Variants in CHRM3 observed in about 807,000 individuals in gnomAD.
CHRM3 encodes the protein cholinergic receptor muscarinic 3, also known as muscarinic acetylcholine receptor M3.
In CHRM3, 11 loss-of-function variants were observed where a neutral mutation model predicts 41.8. The observed-to-expected ratio is 0.26, with a 90% CI of 0.17 to 0.44. CHRM3 has a LOEUF of 0.44. CHRM3 is among the 20% of genes least tolerant of loss of function. CHRM3 has a pLI of 1.00. For synonymous variants in CHRM3, 297 were observed against 301.4 expected (o/e 0.99, Z 0.15); for missense variants, 571 against 745.4 (o/e 0.77, Z 2.72).
At chr1:239,832,607 G>C (rs916576796) in intron 6 of CHRM3, among the ~76,000 whole-genome samples, 1 of 151,976 alleles carries the variant, frequency 6.6e-6, no homozygotes, top group East Asian at 1.9e-4. Flanking sequence ...AGTAAATTTA[G>C]TAAGAAAGTA....
intron 5 of CHRM3, among the ~76,000 whole-genome samples, chr1:239,785,754 A>C (rs1267030681): frequency 6.6e-6 from 1 of 152,178 alleles, no homozygotes; most frequent in Non-Finnish European, 1.5e-5. Flanking sequence ...GGAAAAAAAA[A>C]ATGGGAGCTA....
At chr1:239,560,071 G>T (rs1406294788) in intron 3 of CHRM3, among the ~76,000 whole-genome samples, 2 of 151,868 alleles carry the variant, frequency 1.3e-5, no homozygotes, top group Admixed American at 6.6e-5. Context: ...AAATTATCTG[G>T]GGCAAAAAAT....
At chr1:239,432,867 G>T (rs188115512) in intron 1 of CHRM3, among the ~76,000 whole-genome samples, 31 of 152,006 alleles carry the variant, frequency 2.0e-4, no homozygotes, top group African/African-American at 7.0e-4. Flanking sequence ...TTTTATTTTT[G>T]AATATTGGGC....
At chr1:239,707,438 A>G (rs1347570055) in intron 5 of CHRM3, 1 of 152,222 alleles carries the variant, frequency 6.6e-6, no homozygotes, top group African/African-American at 2.4e-5. Context: ...TTGTTTAGGT[A>G]AAGTTTCCTT....
chr1:239,446,217 G>C (rs1031548119), intron 1 of CHRM3, among the ~76,000 whole-genome samples: 1 of 152,156 alleles, frequency 6.6e-6, no homozygotes. Context: ...TTACAGGCGT[G>C]AGCCACCATG....
intron 5 of CHRM3, among the ~76,000 whole-genome samples, chr1:239,752,832 C>T (rs1007227057): frequency 1.3e-5 from 2 of 151,788 alleles, no homozygotes; most frequent in Non-Finnish European, 2.9e-5. Flanking sequence ...TAGGCTTAAA[C>T]TATAATAGGG....
intron 1 of CHRM3, among the ~76,000 whole-genome samples, chr1:239,399,867 C>T (rs1029614684): frequency 2.0e-5 from 3 of 151,986 alleles, no homozygotes; most frequent in Non-Finnish European, 2.9e-5. Flanking sequence ...TACCCAGTAG[C>T]GGGATTGCTG....
chr1:239,643,205 G>A (rs1422488529), intron 4 of CHRM3, among the ~76,000 whole-genome samples: 2 of 152,318 alleles, frequency 1.3e-5, no homozygotes, highest in Non-Finnish European at 2.9e-5. Flanking sequence ...TAGGCTGCTT[G>A]GGGGTCAAGG....
chr1:239,888,551 TCGCACTACTGCA>T (rs1406278801), intron 6 of CHRM3, among the ~76,000 whole-genome samples: 1 of 147,176 alleles, frequency 6.8e-6, no homozygotes, highest in Non-Finnish European at 1.5e-5. Flanking sequence ...TGAGCCATGA[TCGCACTACTGCA>T]CTCCAACCTG....
intron 5 of CHRM3, among the ~76,000 whole-genome samples, chr1:239,791,802 A>G (rs1231304760): frequency 1.3e-5 from 2 of 152,314 alleles, no homozygotes; most frequent in African/African-American, 4.8e-5. Context: ...AGTTGTATAA[A>G]GAGATGGGCT....
intron 2 of CHRM3, among the ~76,000 whole-genome samples, chr1:239,499,884 A>G (rs1045583312): frequency 2.6e-5 from 4 of 152,192 alleles, no homozygotes; most frequent in Admixed American, 2.0e-4. Flanking sequence ...CAGCAAAACT[A>G]ATCATCATAT....
At chr1:239,466,286 C>T (rs762069926) in intron 1 of CHRM3, among the ~76,000 whole-genome samples, 4 of 152,122 alleles carry the variant, frequency 2.6e-5, no homozygotes, top group African/African-American at 7.2e-5. Flanking sequence ...TGAGCTACCA[C>T]GCCTGGCCCA....
intron 6 of CHRM3, among the ~76,000 whole-genome samples, chr1:239,844,871 C>T (rs543944051): frequency 6.6e-6 from 1 of 152,270 alleles, no homozygotes; most frequent in East Asian, 1.9e-4. Context: ...ATTTTGATAA[C>T]TGTGGACAGA....
chr1:239,905,162 C>T (rs1376479678), intron 6 of CHRM3, among the ~76,000 whole-genome samples: 1 of 152,160 alleles, frequency 6.6e-6, no homozygotes, highest in East Asian at 1.9e-4. Context: ...TTTTAACATG[C>T]ACATCAATTC....
At chr1:239,771,425 A>C (rs1407515793) in intron 5 of CHRM3, among the ~76,000 whole-genome samples, 1 of 152,156 alleles carries the variant, frequency 6.6e-6, no homozygotes, top group Non-Finnish European at 1.5e-5. Context: ...AAAAAGAAAA[A>C]AGAATGGAAA....
intron 1 of CHRM3, among the ~76,000 whole-genome samples, chr1:239,394,582 A>C (rs1339133842): frequency 1.3e-5 from 2 of 152,160 alleles, no homozygotes; most frequent in Non-Finnish European, 2.9e-5. Context: ...TGCAGATGTC[A>C]TTAATGAACA....
rs571521672 is a variant in CHRM3 at position 239,713,038 on chromosome 1, C to T, written c.-147+34750C>T. ...CCAGCGCCTAAAAAGGAAGTCCACA[C>T]GGGCAACACAAACACTGCCCGCTAA... On this transcript the variant is annotated intron_variant, in intron 5 of 6. Coordinates refer to ENST00000676153, the MANE Select transcript of CHRM3 (RefSeq NM_001375978.1). 6.7e-4 allele frequency among the ~76,000 whole-genome samples: 102 copies of T among 152,286 alleles called. 2 individuals are homozygous for T. Among genetic ancestry groups the T allele is most frequent in the African/African-American group, 2.3e-3 (95 of 41,554 alleles).
chr1:239,411,498 G>T (rs894228476), intron 1 of CHRM3, among the ~76,000 whole-genome samples: 1 of 151,902 alleles, frequency 6.6e-6, no homozygotes, highest in African/African-American at 2.4e-5. Flanking sequence ...AGGCCGAGGT[G>T]GGTGGATCAT....
At chr1:239,785,279 T>C (rs1215478702) in intron 5 of CHRM3, among the ~76,000 whole-genome samples, 2 of 152,172 alleles carry the variant, frequency 1.3e-5, no homozygotes, top group African/African-American at 2.4e-5. Flanking sequence ...CTCTGTGATT[T>C]CATTGAGGAG....
Sources: allele counts gnomAD v4.1 joint callset (sites outside exome capture counted in the v4.1 genomes callset), GRCh38; gene constraint gnomAD v4.1.1; transcripts MANE v1.5; gene names NCBI Gene and HGNC (gene_info 2026-07-23, HGNC 2026-07-21).